The following SNTB2 variants were observed in gnomAD, a reference collection of about 807,000 sequenced individuals.
SNTB2 encodes the protein beta-2-syntrophin.
A neutral mutation model predicts 46.2 loss-of-function variants in SNTB2; 34 were observed. That is an observed-to-expected ratio of 0.74 (90% confidence interval 0.56 to 0.98). SNTB2 has a LOEUF of 0.98. Ranked by LOEUF, SNTB2 falls within the 50% of genes least tolerant of loss-of-function variation. SNTB2 has a pLI of 0.00. For missense variants in SNTB2, 603 were observed against 731.4 expected, an observed-to-expected ratio of 0.82 and a Z score of 2.02; for synonymous variants, 290 against 312.6, an observed-to-expected ratio of 0.93 and a Z score of 0.76.
At chr16:69,195,981 C>T (rs577063527) in intron 1 of SNTB2, among the ~76,000 whole-genome samples, 1 of 152,178 alleles carries the variant, frequency 6.6e-6, no homozygotes, top group Non-Finnish European at 1.5e-5. Context: ...TGGCTCACAC[C>T]TGTAATCCCA....
At position 69,245,868 on chromosome 16, in the gene SNTB2, C is replaced by T; in HGVS notation, c.794+53C>T. ...ACCTACAGCTTTACAAACTTAAGGA[C>T]ATGTTGCAGTATTATATGACTCTGT... On this transcript the variant is annotated intron_variant, in intron 2 of 6. Coordinates refer to ENST00000336278, the MANE Select transcript of SNTB2 (RefSeq NM_006750.4). 3.2e-6 allele frequency: 5 copies of T among 1,543,052 alleles called. No homozygotes were observed. The South Asian group carries it at 4.5e-5, about 14-fold the overall frequency.
At position 69,308,071 on chromosome 16, in the gene SNTB2, G is replaced by C. The variant is rs188723987; in HGVS notation, c.*7147G>C. On this transcript the variant is annotated 3_prime_UTR_variant, in exon 7 of 7. Transcript: ENST00000336278. ...ATGGCACAGGAAACCGAATCACATG[G>C]GTGCCCTCCCCTTGGTTTTCAAGTA... The C allele has an allele frequency of 1.3e-5, 2 of 152,670 alleles. No individual in the cohort carries two copies. The highest frequency in any genetic ancestry group is 6.5e-5 in the Admixed American group (1 of 15,292). 9.5% of individuals were successfully genotyped at this position (152,670 alleles called of 1,614,324 possible). A position where few individuals can be genotyped will look rare whatever the true frequency, so the allele number is the denominator to read the frequency against.
chr16:69,307,713 G>T lies in SNTB2; in HGVS notation c.*6789G>T, dbSNP rs994427554. 3 of 151,230 alleles carry T rather than the reference G, an allele frequency of 2.0e-5. No individual in the cohort carries two copies. The highest frequency in any genetic ancestry group is 4.4e-5 in the Non-Finnish European group (3 of 67,936). 9.4% of individuals were successfully genotyped at this position (151,230 alleles called of 1,614,324 possible). On this transcript the variant is annotated 3_prime_UTR_variant, in exon 7 of 7. Transcript: ENST00000336278. Reference sequence around the variant, plus strand: ...TTAAAAATTAACAAAATCAGGCCAAGGCAGGAGGATCACTTTAGCCCAGGA... The same window carrying T: ...TTAAAAATTAACAAAATCAGGCCAATGCAGGAGGATCACTTTAGCCCAGGA...
intron 2 of SNTB2, among the ~76,000 whole-genome samples, chr16:69,256,117 C>G (rs1283462180): frequency 6.6e-6 from 1 of 151,714 alleles, no homozygotes; most frequent in Non-Finnish European, 1.5e-5. Flanking sequence ...AACCAGAAAG[C>G]AGAGGTTGCA....
intron 1 of SNTB2, among the ~76,000 whole-genome samples, chr16:69,236,369 A>G (rs900550558): frequency 6.6e-6 from 1 of 151,498 alleles, no homozygotes; most frequent in African/African-American, 2.5e-5. Context: ...GGGTCTGGGC[A>G]AGGAGATCAG....
chr16:69,270,570 A>T (rs1269548274), intron 4 of SNTB2, among the ~76,000 whole-genome samples: 3 of 152,142 alleles, frequency 2.0e-5, no homozygotes, highest in Non-Finnish European at 4.4e-5. Context: ...TGAAGATTAT[A>T]GGGTTTTTTT....
intron 1 of SNTB2, among the ~76,000 whole-genome samples, chr16:69,243,020 TAAAAA>T (rs371176390): frequency 1.0e-5 from 1 of 96,090 alleles, no homozygotes; most frequent in Non-Finnish European, 2.1e-5. Context: ...GACTGCATCT[TAAAAA>T]AAAAAAAAAA....
At chr16:69,285,496 A>ATTTAC (rs1567414901) in intron 5 of SNTB2, among the ~76,000 whole-genome samples, 10 of 115,492 alleles carry the variant, frequency 8.7e-5, no homozygotes, top group Non-Finnish European at 7.5e-5. Flanking sequence ...TATTTATTTA[A>ATTTAC]AGAGACAGGG....
At chr16:69,253,009 C>T (rs1221300506) in intron 2 of SNTB2, among the ~76,000 whole-genome samples, 1 of 151,298 alleles carries the variant, frequency 6.6e-6, no homozygotes, top group East Asian at 2.0e-4. Context: ...ACGCCATTCT[C>T]CTGCCTCAGC....
At chr16:69,217,319 C>A (rs992983554) in intron 1 of SNTB2, among the ~76,000 whole-genome samples, 15 of 152,014 alleles carry the variant, frequency 9.9e-5, no homozygotes, top group African/African-American at 3.4e-4. Flanking sequence ...ACAAAAAATA[C>A]AAAAATTAGC....
chr16:69,203,597 C>G (rs1443034061), intron 1 of SNTB2, among the ~76,000 whole-genome samples: 1 of 152,026 alleles, frequency 6.6e-6, no homozygotes, highest in Non-Finnish European at 1.5e-5. Context: ...ACCTAAGCCT[C>G]CCAAAGTGCT....
intron 1 of SNTB2, among the ~76,000 whole-genome samples, chr16:69,219,723 G>A (rs1438637506): frequency 3.4e-5 from 4 of 116,158 alleles, no homozygotes; most frequent in Admixed American, 2.8e-4. Context: ...ATTTTATTTT[G>A]TTTTGTTTTG....
intron 1 of SNTB2, among the ~76,000 whole-genome samples, chr16:69,202,101 T>G (rs1208668727): frequency 6.6e-6 from 1 of 152,206 alleles, no homozygotes; most frequent in Non-Finnish European, 1.5e-5. Context: ...GCCTTTCAGT[T>G]ATCCCTTCAC....
rs1460113628 is a variant in SNTB2 at position 69,304,696 on chromosome 16, C to T, written c.*3772C>T. 1 of 151,670 alleles carries T rather than the reference C, an allele frequency of 6.6e-6. No individual in the cohort carries two copies. Among genetic ancestry groups the T allele is most frequent in the Non-Finnish European group, 1.5e-5 (1 of 67,976 alleles). The allele number at this position is 151,670 out of a possible 1,614,324, so 9.4% of individuals were successfully genotyped here. A position where few individuals can be genotyped will look rare whatever the true frequency, so the allele number is the denominator to read the frequency against. ...CTTTTTTTTTTGAGACAGGTTCTCACTCTGTCACCGAGGTTGGAGTGCAGT... is the reference window on the plus strand; with the variant it reads ...CTTTTTTTTTTGAGACAGGTTCTCATTCTGTCACCGAGGTTGGAGTGCAGT... On this transcript the variant is annotated 3_prime_UTR_variant, in exon 7 of 7. Coordinates refer to ENST00000336278, the MANE Select transcript of SNTB2 (RefSeq NM_006750.4).
chr16:69,279,047 A>G (rs1052004324), intron 4 of SNTB2, among the ~76,000 whole-genome samples: 5 of 152,190 alleles, frequency 3.3e-5, no homozygotes, highest in African/African-American at 9.7e-5. Flanking sequence ...CACAAAATTT[A>G]CCATCTAATT....
At chr16:69,285,253 G>A (rs940632736) in intron 5 of SNTB2, among the ~76,000 whole-genome samples, 3 of 151,934 alleles carry the variant, frequency 2.0e-5, no homozygotes, top group Admixed American at 2.0e-4. Flanking sequence ...AAAGAAACCT[G>A]GTTTCTCTAG....
In SNTB2 at chr16:69,308,872, T is replaced by A. The variant is rs1965334664; in HGVS notation, c.*7948T>A. The A allele has an allele frequency of 6.6e-6, 1 of 152,456 alleles. No individual in the cohort carries two copies. The highest frequency in any genetic ancestry group is 1.5e-5 in the Non-Finnish European group (1 of 68,034). 9.4% of individuals were successfully genotyped at this position (152,456 alleles called of 1,614,324 possible). On this transcript the variant is annotated 3_prime_UTR_variant, in exon 7 of 7. Coordinates refer to ENST00000336278, the MANE Select transcript of SNTB2 (RefSeq NM_006750.4). ...AGGGCAGTATTTGTGTTCCTAATTT[T>A]AAAAAGCTTTATGTATACTCTATAA...
intron 4 of SNTB2, among the ~76,000 whole-genome samples, chr16:69,278,713 C>G (rs1965005666): frequency 6.6e-6 from 1 of 152,232 alleles, no homozygotes; most frequent in African/African-American, 2.4e-5. Flanking sequence ...GCCTTGGCCT[C>G]CCAACGTGCT....
intron 1 of SNTB2, among the ~76,000 whole-genome samples, chr16:69,197,983 A>G (rs1964120581): frequency 6.6e-6 from 1 of 152,092 alleles, no homozygotes; most frequent in Non-Finnish European, 1.5e-5. Flanking sequence ...GCTCTGGGCA[A>G]ATACAAATTC....
Sources: allele counts gnomAD v4.1 joint callset (sites outside exome capture counted in the v4.1 genomes callset), GRCh38; gene constraint gnomAD v4.1.1; transcripts MANE v1.5; gene names NCBI Gene and HGNC (gene_info 2026-07-23, HGNC 2026-07-21).